The following NR2F1-AS1 variants were observed in gnomAD, a reference collection of about 807,000 sequenced individuals.
NR2F1-AS1 encodes NR2F1 regulatory antisense RNA 1.
chr5:93,511,885 G>GC (rs1439940886), intron 4 of NR2F1-AS1, among the ~76,000 whole-genome samples: 11 of 152,082 alleles, frequency 7.2e-5, no homozygotes, highest in Non-Finnish European at 1.3e-4. Flanking sequence ...TCAAAACCAT[G>GC]CCCCATCATC....
At chr5:93,494,000 T>A (rs1227217906) in intron 4 of NR2F1-AS1, among the ~76,000 whole-genome samples, 1 of 152,164 alleles carries the variant, frequency 6.6e-6, no homozygotes. Context: ...TATGTTGGAC[T>A]TCATAAAAAT....
chr5:93,478,466 C>T (rs1055389147), intron 4 of NR2F1-AS1, among the ~76,000 whole-genome samples: 6 of 152,132 alleles, frequency 3.9e-5, no homozygotes, highest in Admixed American at 6.5e-5. Context: ...TACGGTGGCA[C>T]GATCTCGGCT....
At chr5:93,582,760 G>C (rs1753133249), upstream of NR2F1-AS1, among the ~76,000 whole-genome samples, 1 of 113,734 alleles carries the variant, frequency 8.8e-6, no homozygotes, top group African/African-American at 3.6e-5. Flanking sequence ...CCCCTCTGGG[G>C]TGTGAGCGTA....
chr5:93,520,293 A>T, intron 4 of NR2F1-AS1, among the ~76,000 whole-genome samples: 1 of 151,922 alleles, frequency 6.6e-6, no homozygotes, highest in East Asian at 1.9e-4. Context: ...CTTTTTTGTT[A>T]ATGAACACTT....
intron 4 of NR2F1-AS1, among the ~76,000 whole-genome samples, chr5:93,441,198 A>G (rs1031580171): frequency 3.9e-5 from 6 of 152,246 alleles, no homozygotes; most frequent in Non-Finnish European, 8.8e-5. Flanking sequence ...TGGTGAAGAT[A>G]GGATGACAGC....
intron 4 of NR2F1-AS1, among the ~76,000 whole-genome samples, chr5:93,425,750 T>A (rs1220450823): frequency 6.6e-6 from 1 of 152,172 alleles, no homozygotes; most frequent in Non-Finnish European, 1.5e-5. Flanking sequence ...TATTCCCTCA[T>A]ACGTTCCCAT....
intron 4 of NR2F1-AS1, among the ~76,000 whole-genome samples, chr5:93,491,590 T>C (rs1750851228): frequency 6.6e-6 from 1 of 152,116 alleles, no homozygotes; most frequent in South Asian, 2.1e-4. Flanking sequence ...TTTTAATCAG[T>C]TAACAAAGGA....
chr5:93,452,344 T>C (rs901014490), intron 4 of NR2F1-AS1, among the ~76,000 whole-genome samples: 1 of 152,060 alleles, frequency 6.6e-6, no homozygotes, highest in Non-Finnish European at 1.5e-5. Context: ...CACTGGATAA[T>C]AGAAGGAAAA....
intron 4 of NR2F1-AS1, among the ~76,000 whole-genome samples, chr5:93,435,107 C>T (rs1295022452): frequency 6.6e-6 from 1 of 152,150 alleles, no homozygotes; most frequent in Non-Finnish European, 1.5e-5. Context: ...ATCAGATTCT[C>T]ATTCACTGGT....
intron 4 of NR2F1-AS1, among the ~76,000 whole-genome samples, chr5:93,546,020 G>A (rs1020612805): frequency 6.6e-6 from 1 of 152,116 alleles, no homozygotes; most frequent in African/African-American, 2.4e-5. Context: ...CTTCAGATTC[G>A]GACAGACTGA....
chr5:93,558,318 T>C (rs1358712153), intron 2 of NR2F1-AS1, among the ~76,000 whole-genome samples: 1 of 150,892 alleles, frequency 6.6e-6, no homozygotes, highest in Non-Finnish European at 1.5e-5. Context: ...AAAATGTATT[T>C]CTTTTTTTTT....
At chr5:93,411,796 C>T (rs1451272015) in intron 4 of NR2F1-AS1, among the ~76,000 whole-genome samples, 2 of 152,180 alleles carry the variant, frequency 1.3e-5, no homozygotes, top group Non-Finnish European at 2.9e-5. Flanking sequence ...AAGGATTCTG[C>T]ATTTTCATTC....
intron 4 of NR2F1-AS1, among the ~76,000 whole-genome samples, chr5:93,552,705 A>G (rs1323131438): frequency 6.6e-6 from 1 of 152,032 alleles, no homozygotes; most frequent in Non-Finnish European, 1.5e-5. Context: ...GCAAAGCAAG[A>G]CTGTAAAGAA....
At chr5:93,521,390 C>G (rs1272519586) in intron 4 of NR2F1-AS1, among the ~76,000 whole-genome samples, 1 of 152,060 alleles carries the variant, frequency 6.6e-6, no homozygotes, top group African/African-American at 2.4e-5. Context: ...AGAGCTTCTG[C>G]ACAGCAAAAG....
chr5:93,546,431 A>G (rs1315359924), intron 4 of NR2F1-AS1, among the ~76,000 whole-genome samples: 1 of 152,222 alleles, frequency 6.6e-6, no homozygotes, highest in Non-Finnish European at 1.5e-5. Flanking sequence ...AATTATCATA[A>G]GATTTATGTA....
intron 4 of NR2F1-AS1, chr5:93,438,745 A>AG (rs1749496434): frequency 1.3e-5 from 2 of 152,148 alleles, no homozygotes; most frequent in South Asian, 4.2e-4. Context: ...GTTTCACCTG[A>AG]GGGGGAAAGG....
chr5:93,504,625 G>A lies in NR2F1-AS1; in HGVS notation n.638+49136C>T, dbSNP rs576922447. Among the ~76,000 whole-genome samples, 14 of 152,142 alleles carry A rather than the reference G, an allele frequency of 9.2e-5. No homozygotes were observed. In the East Asian group the frequency reaches 1.7e-3, roughly 19 times the overall value. On this transcript the variant is annotated intron_variant and non_coding_transcript_variant, in intron 4 of 5. Transcript: ENST00000660523. ...ATGGCTGGGGAGGCCTCAGAATCACGGTGGGAGGCAAAAGGCACTTCTTAC... is the reference window on the plus strand; with the variant it reads ...ATGGCTGGGGAGGCCTCAGAATCACAGTGGGAGGCAAAAGGCACTTCTTAC...
chr5:93,442,923 C>A (rs903715744), intron 4 of NR2F1-AS1, among the ~76,000 whole-genome samples: 1 of 152,224 alleles, frequency 6.6e-6, no homozygotes, highest in Non-Finnish European at 1.5e-5. Flanking sequence ...GATACCCAGG[C>A]AAACAGGGTC....
At chr5:93,457,300 C>T (rs1007272618) in intron 4 of NR2F1-AS1, among the ~76,000 whole-genome samples, 1 of 152,128 alleles carries the variant, frequency 6.6e-6, no homozygotes, top group African/African-American at 2.4e-5. Flanking sequence ...TTTTGTGTCC[C>T]CGGGTACTTG....
Sources: gnomAD v4.1 joint callset for allele counts (sites outside exome capture counted in the v4.1 genomes callset) on GRCh38, gnomAD v4.1.1 for gene constraint, MANE v1.5 for transcripts, NCBI Gene and HGNC (gene_info 2026-07-23, HGNC 2026-07-21) for gene names.